The following PRELID2 variants were observed in gnomAD, a reference collection of about 807,000 sequenced individuals.
PRELID2 encodes the protein PRELI domain-containing protein 2.
PRELID2 carries 25 observed loss-of-function variants against 28.4 expected under a neutral mutation model. That is an observed-to-expected ratio of 0.88 (90% confidence interval 0.64 to 1.23). The LOEUF is 1.23. PRELID2 is among the 50% of genes most tolerant of loss of function. The pLI is 0.00. For missense variants in PRELID2, 201 were observed against 214.4 expected (o/e 0.94, Z 0.39); for synonymous variants, 76 against 71.6 (o/e 1.06, Z -0.31).
the PRELID2 span, among the ~76,000 whole-genome samples, chr5:145,413,609 AATACAC>A: frequency 8.8e-6 from 1 of 113,586 alleles, no homozygotes; most frequent in Non-Finnish European, 1.8e-5. Context: ...GGATGAAGAA[AATACAC>A]ACACACACAC....
At chr5:145,274,712 A>G in the PRELID2 span, among the ~76,000 whole-genome samples, 2 of 152,198 alleles carry the variant, frequency 1.3e-5, no homozygotes, top group Admixed American at 6.5e-5. Flanking sequence ...GATGGAATGT[A>G]GTAAAGAGGA....
the PRELID2 span, among the ~76,000 whole-genome samples, chr5:145,398,212 C>T: frequency 6.6e-6 from 1 of 152,112 alleles, no homozygotes; most frequent in Non-Finnish European, 1.5e-5. Flanking sequence ...GGCACTCACT[C>T]ACATGCCATG....
chr5:145,582,030 T>G (rs764122164), intron 1 of PRELID2, among the ~76,000 whole-genome samples: 7 of 152,032 alleles, frequency 4.6e-5, no homozygotes, highest in Non-Finnish European at 8.8e-5. Flanking sequence ...AGTCCTAATT[T>G]TGTGTTATAA....
At chr5:145,383,310 C>T in the PRELID2 span, among the ~76,000 whole-genome samples, 22 of 150,312 alleles carry the variant, frequency 1.5e-4, no homozygotes, top group Admixed American at 2.7e-4. Flanking sequence ...CATATATGTA[C>T]GGATATACAG....
At chr5:145,402,174 A>G in the PRELID2 span, among the ~76,000 whole-genome samples, 1 of 141,144 alleles carries the variant, frequency 7.1e-6, no homozygotes, top group Admixed American at 7.2e-5. Flanking sequence ...TGTTAGAAGA[A>G]TTGGACATGG....
chr5:145,780,704 GAAT>G, intron 5 of PRELID2, among the ~76,000 whole-genome samples: 1 of 152,154 alleles, frequency 6.6e-6, no homozygotes, highest in Middle Eastern at 3.4e-3. Context: ...GAAGTTCAGA[GAAT>G]AATAGAAAAA....
chr5:145,645,338 C>CTTTTTTTTTTT (rs35732947), intron 1 of PRELID2, among the ~76,000 whole-genome samples: 2 of 47,860 alleles, frequency 4.2e-5, no homozygotes, highest in African/African-American at 2.4e-4. Context: ...GCAACTCCTG[C>CTTTTTTTTTTT]TTTTTTTTTT....
intron 5 of PRELID2, among the ~76,000 whole-genome samples, chr5:145,769,227 T>C (rs1412596569): frequency 1.3e-5 from 2 of 152,250 alleles, no homozygotes; most frequent in African/African-American, 4.8e-5. Flanking sequence ...CTTTCCCCTC[T>C]GAGATTTTTT....
At chr5:145,316,768 A>AT in the PRELID2 span, among the ~76,000 whole-genome samples, 1 of 152,148 alleles carries the variant, frequency 6.6e-6, no homozygotes, top group East Asian at 1.9e-4. Context: ...AATGAACTCC[A>AT]TTTTTTCAGT....
chr5:145,826,821 T>C (rs895375330), intron 1 of PRELID2, among the ~76,000 whole-genome samples: 2 of 151,944 alleles, frequency 1.3e-5, no homozygotes, highest in Non-Finnish European at 2.9e-5. Flanking sequence ...AGAAGCTTCA[T>C]GAAGATATAA....
chr5:145,249,490 C>T, the PRELID2 span, among the ~76,000 whole-genome samples: 1 of 152,036 alleles, frequency 6.6e-6, no homozygotes, highest in African/African-American at 2.4e-5. Flanking sequence ...TCCCCTTTTA[C>T]CAATGAAAGC....
chr5:145,650,898 CAGACAGTGGGTGCA>C (rs1401405228), intron 1 of PRELID2, among the ~76,000 whole-genome samples: 1 of 152,032 alleles, frequency 6.6e-6, no homozygotes, highest in Non-Finnish European at 1.5e-5. Flanking sequence ...TGGGGCTTGT[CAGACAGTGGGTGCA>C]GGACAGTGGG....
the PRELID2 span, among the ~76,000 whole-genome samples, chr5:145,237,110 T>C: frequency 4.6e-5 from 7 of 152,134 alleles, no homozygotes; most frequent in Non-Finnish European, 5.9e-5. Context: ...CCATAAAAAC[T>C]GCATGTCCCA....
At chr5:145,659,294 C>T (rs190030446) in intron 1 of PRELID2, among the ~76,000 whole-genome samples, 3 of 152,226 alleles carry the variant, frequency 2.0e-5, no homozygotes, top group African/African-American at 7.2e-5. Flanking sequence ...TGGAACTTGG[C>T]AGTTGGTTCC....
chr5:145,697,369 G>A (rs1755303125), intron 1 of PRELID2, among the ~76,000 whole-genome samples: 1 of 151,984 alleles, frequency 6.6e-6, no homozygotes, highest in South Asian at 2.1e-4. Context: ...TAAGAAACTT[G>A]CTGAAGGTCT....
At chr5:145,737,892 G>C (rs1581117768) in intron 1 of PRELID2, among the ~76,000 whole-genome samples, 1 of 152,204 alleles carries the variant, frequency 6.6e-6, no homozygotes, top group South Asian at 2.1e-4. Flanking sequence ...ACTGTGAGGA[G>C]CCTGGACTTA....
At chr5:145,645,721 G>A (rs1267347620) in intron 1 of PRELID2, among the ~76,000 whole-genome samples, 3 of 151,928 alleles carry the variant, frequency 2.0e-5, no homozygotes, top group South Asian at 4.2e-4. Context: ...TCTTGTGTCA[G>A]GCCTGGTGAT....
intron 1 of PRELID2, among the ~76,000 whole-genome samples, chr5:145,661,582 A>AG (rs1195785967): frequency 6.6e-6 from 1 of 151,516 alleles, no homozygotes. Context: ...TCTAAACCAA[A>AG]GGTACTTCCT....
chr5:145,484,513 A>G (rs1752195998), intron 1 of PRELID2, among the ~76,000 whole-genome samples: 1 of 152,212 alleles, frequency 6.6e-6, no homozygotes, highest in Non-Finnish European at 1.5e-5. Context: ...TTCATTCTTC[A>G]ACAAATATCA....
Sources: allele counts gnomAD v4.1 joint callset (sites outside exome capture counted in the v4.1 genomes callset), GRCh38; gene constraint gnomAD v4.1.1; transcripts MANE v1.5; gene names NCBI Gene and HGNC (gene_info 2026-07-23, HGNC 2026-07-21).